L3MBTL3: variants seen among roughly 807,000 people sequenced by gnomAD.
L3MBTL3 encodes L3MBTL histone methyl-lysine binding protein 3.
In L3MBTL3, 27 loss-of-function variants were observed where a neutral mutation model predicts 102.3. The ratio of observed to expected loss-of-function variants is 0.26; its 90% CI spans 0.19 to 0.36. The LOEUF is 0.36. Among genes scored for constraint, L3MBTL3 ranks in the 10% least tolerant of loss-of-function variants. The pLI, the probability that L3MBTL3 is intolerant of heterozygous loss-of-function variation, is 1.00. For missense variants in L3MBTL3, 798 were observed against 955.3 expected, an observed-to-expected ratio of 0.84 and a Z score of 2.17; for synonymous variants, 340 against 320.9, an observed-to-expected ratio of 1.06 and a Z score of -0.64.
chr6:130,101,310 T>C lies in L3MBTL3; in HGVS notation c.1737-3116T>C, dbSNP rs746707606. On this transcript the variant is annotated intron_variant, in intron 18 of 22. Transcript: ENST00000361794. ...GTGGAGGGGCGTGATTTGTTAAAGG[T>C]GATAAAGTTGTTTTTAAACATATTT... 1.1e-4 allele frequency among the ~76,000 whole-genome samples: 17 copies of C among 152,158 alleles called. 1 individual carries two copies. Among genetic ancestry groups the C allele is most frequent in the Non-Finnish European group, 2.4e-4 (16 of 68,026 alleles).
chr6:130,053,584 G>A lies in L3MBTL3; in HGVS notation c.582+593G>A, dbSNP rs191588782. 9.8e-3 allele frequency among the ~76,000 whole-genome samples: 1,463 copies of A among 149,662 alleles called. 9 individuals carry two copies. Among genetic ancestry groups the A allele is most frequent in the Non-Finnish European group, 0.015 (1,001 of 67,648 alleles). On this transcript the variant is annotated intron_variant, in intron 7 of 22. Transcript: ENST00000361794. ...TGGGAGGTGGAGCTTGCAATGAGCT[G>A]AGATTGCACCACTGCACTCCAGCCT...
chr6:130,072,844 T>C (rs1010031147), intron 13 of L3MBTL3, among the ~76,000 whole-genome samples: 1 of 152,218 alleles, frequency 6.6e-6, no homozygotes, highest in Non-Finnish European at 1.5e-5. Context: ...GATTTTTGTT[T>C]ATTTTTAGCT....
In L3MBTL3 at chr6:130,088,162, C is replaced by T. The variant is rs146797834; in HGVS notation, c.1518+1912C>T. On this transcript the variant is annotated intron_variant, in intron 16 of 22. Transcript: ENST00000361794. The stretch of plus-strand genomic sequence containing the variant: ...ACATCCTGGTCAGTCCATAACACCC[C>T]AGAAATACTGGCTGTGAGGGGTACA... Among the ~76,000 whole-genome samples the T allele has an allele frequency of 2.1e-3, 324 of 152,160 alleles. 1 individual carries two copies. Among genetic ancestry groups the T allele is most frequent in the African/African-American group, 7.0e-3 (292 of 41,502 alleles).
rs1373510668 is a variant in L3MBTL3 at position 130,140,392 on chromosome 6, TAAAC to T, written c.*643_*646del. ...TCCTTTTGCACGCATTATGAAATGT[TAAAC>T]AAATTACTTTTCACCAGCATCTTTA... On this transcript the variant is annotated 3_prime_UTR_variant, in exon 23 of 23. Coordinates refer to ENST00000361794, the MANE Select transcript of L3MBTL3 (RefSeq NM_032438.4). 4 of 152,760 alleles carry T rather than the reference TAAAC, an allele frequency of 2.6e-5. No individual in the cohort carries two copies. The East Asian group carries it at 5.8e-4, about 22-fold the overall frequency. 9.5% of individuals were successfully genotyped at this position (152,760 alleles called of 1,614,324 possible). A position where few individuals can be genotyped will look rare whatever the true frequency, so the allele number is the denominator to read the frequency against.
At chr6:130,065,136 A>G (rs533272886) in intron 10 of L3MBTL3, among the ~76,000 whole-genome samples, 14 of 152,302 alleles carry the variant, frequency 9.2e-5, no homozygotes, top group Non-Finnish European at 2.9e-5. Flanking sequence ...ATATCAATAC[A>G]TTCTAATTGA....
At position 130,060,056 on chromosome 6, in the gene L3MBTL3, C is replaced by A. The variant is rs1202349494; in HGVS notation, c.780C>A (p.Asn260Lys). 3 of 1,612,038 alleles carry A rather than the reference C, an allele frequency of 1.9e-6. No homozygotes were observed. Among genetic ancestry groups the A allele is most frequent in the Non-Finnish European group, 2.5e-6 (3 of 1,178,278 alleles). ...TTTAGCATCAATCCTTTCCATATAACAAAAATGGATTCAAAGTTGGCATGA... is the reference window on the plus strand; with the variant it reads ...TTTAGCATCAATCCTTTCCATATAAAAAAAATGGATTCAAAGTTGGCATGA... ...LFKEHQSFPY[N>K]KNGFKVGMKL... Residue 260 changes from asparagine (N) to lysine (K), a missense_variant, in exon 10 of 23, where the codon AAC becomes AAA. This residue lies in a region of L3MBTL3 where 434 missense variants were observed against 506.6 expected (regional missense o/e 0.86). Coordinates refer to ENST00000361794, the MANE Select transcript of L3MBTL3 (RefSeq NM_032438.4).
intron 1 of L3MBTL3, among the ~76,000 whole-genome samples, chr6:130,021,851 T>C (rs1779037998): frequency 6.6e-6 from 1 of 152,224 alleles, no homozygotes; most frequent in Non-Finnish European, 1.5e-5. Flanking sequence ...CTTAAATACA[T>C]GGGCAAAAAT....
At chr6:130,070,317 T>G (rs1047506773) in intron 12 of L3MBTL3, among the ~76,000 whole-genome samples, 4 of 152,228 alleles carry the variant, frequency 2.6e-5, no homozygotes, top group Non-Finnish European at 4.4e-5. Context: ...TTTTGTTCCA[T>G]GTTCTGAATG....
chr6:130,135,019 C>G (rs1787474200), intron 22 of L3MBTL3, among the ~76,000 whole-genome samples: 1 of 115,360 alleles, frequency 8.7e-6, no homozygotes, highest in Non-Finnish European at 1.6e-5. Context: ...TTTTCTTTCC[C>G]TAAGTCCTGA....
intron 13 of L3MBTL3, among the ~76,000 whole-genome samples, chr6:130,074,211 T>C (rs535225534): frequency 8.3e-4 from 127 of 152,356 alleles, no homozygotes; most frequent in African/African-American, 2.6e-3. Flanking sequence ...TTTGAAAATA[T>C]ATATGTGTCT....
intron 19 of L3MBTL3, among the ~76,000 whole-genome samples, chr6:130,115,845 G>A (rs375499832): frequency 6.6e-6 from 1 of 152,208 alleles, no homozygotes; most frequent in Non-Finnish European, 1.5e-5. Context: ...AAGAAATATT[G>A]CAGTAAATGG....
chr6:130,141,066 C>T lies in L3MBTL3; in HGVS notation c.*1313C>T, dbSNP rs757280662. 6.6e-6 allele frequency: 1 copy of T among 152,328 alleles called. No individual in the cohort carries two copies. The allele number at this position is 152,328 out of a possible 1,614,324, so 9.4% of individuals were successfully genotyped here. A position where few individuals can be genotyped will look rare whatever the true frequency, so the allele number is the denominator to read the frequency against. ...AAGGCAAAAGGTAAATTATTTTGTC[C>T]GTCTTTTGATGTACTTTCTGATTCC... On this transcript the variant is annotated 3_prime_UTR_variant, in exon 23 of 23. Coordinates refer to ENST00000361794, the MANE Select transcript of L3MBTL3 (RefSeq NM_032438.4).
At chr6:130,106,511 T>C (rs1216471903) in intron 19 of L3MBTL3, among the ~76,000 whole-genome samples, 2 of 152,188 alleles carry the variant, frequency 1.3e-5, no homozygotes, top group African/African-American at 4.8e-5. Flanking sequence ...AGTTTGTCAG[T>C]TGAGCCTCCC....
At chr6:130,062,988 T>C (rs1267031047) in intron 10 of L3MBTL3, among the ~76,000 whole-genome samples, 1 of 65,268 alleles carries the variant, frequency 1.5e-5, no homozygotes, top group Non-Finnish European at 3.3e-5. Context: ...CTTCTTGCCT[T>C]TCTTTTTTTT....
At chr6:130,086,428 C>T (rs1385309378) in intron 16 of L3MBTL3, among the ~76,000 whole-genome samples, 178 bp downstream of exon 16, 2 of 152,076 alleles carry the variant, frequency 1.3e-5, no homozygotes, top group African/African-American at 2.4e-5. Context: ...CTTTAATCTG[C>T]ATAAAACAAT....
At position 130,098,054 on chromosome 6, in the gene L3MBTL3, C is replaced by T. The variant is rs560461986; in HGVS notation, c.1736+3687C>T. On this transcript the variant is annotated intron_variant, in intron 18 of 22. Coordinates refer to ENST00000361794, the MANE Select transcript of L3MBTL3 (RefSeq NM_032438.4). ...TGCACTTCAGCCTGGGCAACAAGAG[C>T]GAAACTCCATCTCAAAAAAAAAAAG... 1.2e-4 allele frequency among the ~76,000 whole-genome samples: 18 copies of T among 151,674 alleles called. No homozygotes were observed. The East Asian group carries it at 2.5e-3, about 21-fold the overall frequency.
At chr6:130,107,180 T>C (rs1785038317) in intron 19 of L3MBTL3, among the ~76,000 whole-genome samples, 1 of 147,586 alleles carries the variant, frequency 6.8e-6, no homozygotes, top group Admixed American at 6.9e-5. Context: ...AGGTGAGTGC[T>C]CTGTAGAGGT....
intron 2 of L3MBTL3, among the ~76,000 whole-genome samples, chr6:130,028,892 C>T (rs1779528857): frequency 6.6e-6 from 1 of 152,188 alleles, no homozygotes; most frequent in African/African-American, 2.4e-5. Context: ...TAAACAAATA[C>T]TTAGCAGCCT....
At chr6:130,083,554 G>A in intron 14 of L3MBTL3, 66 bp from the exon 15 acceptor site, 1 of 664,144 alleles carries the variant, frequency 1.5e-6, no homozygotes, top group Non-Finnish European at 2.6e-6. Flanking sequence ...AATTTTTGTT[G>A]GACAGTTTGT....
Sources: gnomAD v4.1 joint callset for allele counts (sites outside exome capture counted in the v4.1 genomes callset) on GRCh38, gnomAD v4.1.1 for gene constraint, gnomAD v4.1.1 regional missense constraint, MANE v1.5 for transcripts, NCBI Gene and HGNC (gene_info 2026-07-23, HGNC 2026-07-21) for gene names.